YY1AP1: variants seen among roughly 807,000 people sequenced by gnomAD.
The protein encoded by YY1AP1 is YY1 associated protein 1.
In YY1AP1, 43 loss-of-function variants were observed where a neutral mutation model predicts 39.9. The observed-to-expected ratio is 1.08, with a 90% CI of 0.84 to 1.39. YY1AP1 has a LOEUF of 1.39. Ranked by LOEUF, YY1AP1 falls within the 40% of genes most tolerant of loss-of-function variation. YY1AP1 has a pLI of 0.00. For missense variants in YY1AP1, 813 were observed against 900.7 expected (o/e 0.90, Z 1.25); for synonymous variants, 292 against 331.3 (o/e 0.88, Z 1.29).
At position 155,659,685 on chromosome 1, in the gene YY1AP1, G is replaced by C; in HGVS notation, c.2225C>G (p.Ala742Gly). 1 of 1,614,164 alleles carries C rather than the reference G, an allele frequency of 6.2e-7. No individual in the cohort carries two copies. The highest frequency in any genetic ancestry group is 8.5e-7 in the Non-Finnish European group (1 of 1,180,032). Reference protein sequence around the residue: ...EEVVKMEPEDATEEISGFL With the variant: ...EEVVKMEPEDGTEEISGFL ...AAGAAATCCACTGATTTCCTCTGTA[G>C]CATCTTCAGGTTCCATCTTGACAAC... The change falls in exon 11 of 11, where the codon GCT (alanine) becomes GGT (glycine). Residue 742 changes from alanine (A) to glycine (G), a missense_variant. Transcript: ENST00000355499.
In YY1AP1 at chr1:155,660,802, C is replaced by T. The variant is rs775120585; in HGVS notation, c.1108G>A (p.Asp370Asn). ...GTTTCACTCCCCAACTCTGAGTTGT[C>T]TTTTTCTAGGCCTTGATCTGAGTTG... ...EINSDQGLEK[D>N]NSELGSETRY... The change falls in exon 11 of 11, where the codon GAC becomes AAC. Residue 370 changes from aspartate to asparagine, a missense_variant. This residue lies in a region of YY1AP1 where 586 missense variants were observed against 647.4 expected (regional missense o/e 0.91). Coordinates refer to ENST00000355499, the MANE Select transcript of YY1AP1 (RefSeq NM_139119.3). The T allele has an allele frequency of 1.2e-6, 2 of 1,614,210 alleles. No homozygotes were observed. The highest frequency in any genetic ancestry group is 4.5e-5 in the East Asian group (2 of 44,878).
Position 155,661,380 on chromosome 1 carries a change from C to G in YY1AP1, c.923G>C (p.Cys308Ser), listed in dbSNP as rs372439408. 9 of 1,613,870 alleles carry G rather than the reference C, an allele frequency of 5.6e-6. No homozygotes were observed. The South Asian group carries it at 9.9e-5, about 18-fold the overall frequency. ...CCACTGATGTGGCTGGATCTCTTCA[C>G]AGCATTTTCCTAGGACTGGCAGCTG... Reference protein sequence around the residue: ...TKQLPVLGKCCEEIQPHQWKP... With the variant: ...TKQLPVLGKCSEEIQPHQWKP... Residue 308 changes from cysteine to serine, a missense_variant, in exon 10 of 11, where the codon TGT (cysteine) becomes TCT (serine). By Grantham distance (112) the Cys-to-Ser change is moderately radical. Around this residue, in one of 3 missense-constraint regions of YY1AP1, gnomAD observed 586 missense variants for 647.4 expected, o/e 0.91. Coordinates refer to ENST00000355499, the MANE Select transcript of YY1AP1 (RefSeq NM_139119.3).
At chr1:155,669,097 G>A (rs1168748098) in intron 8 of YY1AP1, among the ~76,000 whole-genome samples, 2 of 152,182 alleles carry the variant, frequency 1.3e-5, no homozygotes, top group African/African-American at 4.8e-5. Context: ...GCAGTGGCAT[G>A]ATTACAGTGC....
intron 8 of YY1AP1, among the ~76,000 whole-genome samples, chr1:155,669,472 A>T (rs1649533044): frequency 6.6e-6 from 1 of 152,232 alleles, no homozygotes; most frequent in Non-Finnish European, 1.5e-5. Flanking sequence ...ATTAAGTAGG[A>T]GCAAGAGAAA....
At chr1:155,679,290 C>T (rs1192138090) in intron 4 of YY1AP1, 119 bp downstream of exon 4, 3 of 1,551,824 alleles carry the variant, frequency 1.9e-6, no homozygotes, top group Non-Finnish European at 1.7e-6. Flanking sequence ...GACTCTGCAT[C>T]CTTACATCAG....
chr1:155,679,575 T>C, intron 3 of YY1AP1, 63 bp from the exon 4 acceptor site: 1 of 1,613,150 alleles, frequency 6.2e-7, no homozygotes, highest in Non-Finnish European at 8.5e-7. Flanking sequence ...GCTCCAGTGT[T>C]GGGAAGGAAA....
intron 9 of YY1AP1, among the ~76,000 whole-genome samples, chr1:155,664,830 C>T (rs1056054158): frequency 1.4e-5 from 2 of 145,752 alleles, no homozygotes; most frequent in African/African-American, 2.5e-5. Flanking sequence ...AGTGTAGTGG[C>T]GAGATCTCGG....
At chr1:155,668,453 C>T (rs907550433) in intron 9 of YY1AP1, among the ~76,000 whole-genome samples, 174 bp downstream of exon 9, 5 of 151,240 alleles carry the variant, frequency 3.3e-5, no homozygotes, top group Non-Finnish European at 5.9e-5. Context: ...TCCAGAGGAA[C>T]GTAATGAATG....
intron 9 of YY1AP1, among the ~76,000 whole-genome samples, chr1:155,662,955 A>G (rs1053625379): frequency 6.6e-6 from 1 of 152,154 alleles, no homozygotes; most frequent in Admixed American, 6.5e-5. Flanking sequence ...CAGTGAGCCA[A>G]GACTGCACCA....
chr1:155,688,480 G>A (rs1420431506), intron 1 of YY1AP1, 179 bp downstream of exon 1: 1 of 1,549,490 alleles, frequency 6.5e-7, no homozygotes, highest in African/African-American at 1.4e-5. Context: ...GCGCACGTCA[G>A]CCCGCACGCG....
At chr1:155,674,244 T>C (rs1226661387) in intron 6 of YY1AP1, among the ~76,000 whole-genome samples, 3 of 151,216 alleles carry the variant, frequency 2.0e-5, no homozygotes, top group African/African-American at 4.9e-5. Flanking sequence ...AACACTAATA[T>C]TGAGCTTCAT....
chr1:155,664,421 T>C (rs895580543), intron 9 of YY1AP1, among the ~76,000 whole-genome samples: 2 of 152,082 alleles, frequency 1.3e-5, no homozygotes, highest in Admixed American at 1.3e-4. Context: ...AGGTACACAG[T>C]ACAATATTAC....
At chr1:155,675,979 T>C (rs1330655606) in intron 5 of YY1AP1, among the ~76,000 whole-genome samples, 2 of 152,058 alleles carry the variant, frequency 1.3e-5, no homozygotes, top group Non-Finnish European at 1.5e-5. Flanking sequence ...ATCCCAGCAC[T>C]CTGGGAGGCC....
At position 155,659,539 on chromosome 1, in the gene YY1AP1, A is replaced by G. The variant is rs981218796; in HGVS notation, c.*118T>C. The G allele has an allele frequency of 2.6e-5, 27 of 1,052,842 alleles. No individual in the cohort carries two copies. Among genetic ancestry groups the G allele is most frequent in the Non-Finnish European group, 3.6e-5 (26 of 717,440 alleles). The allele number at this position is 1,052,842 out of a possible 1,614,324, so 65.2% of individuals were successfully genotyped here. A position where few individuals can be genotyped will look rare whatever the true frequency, so the allele number is the denominator to read the frequency against. The stretch of plus-strand genomic sequence containing the variant: ...CTAAAGCAAGCTGCTCAAGAGCCCC[A>G]GTTGCAAAATCTGGGGTTTAAGTAC... On this transcript the variant is annotated 3_prime_UTR_variant, in exon 11 of 11. Coordinates refer to ENST00000355499, the MANE Select transcript of YY1AP1 (RefSeq NM_139119.3).
Position 155,672,662 on chromosome 1 carries a change from G to C in YY1AP1, c.481C>G (p.Leu161Val), listed in dbSNP as rs778360688. The change falls in exon 7 of 11, where the codon CTG (leucine) becomes GTG (valine). Residue 161 changes from leucine (L) to valine (V), a missense_variant. Transcript: ENST00000355499. ...HHQYNPKFQT[L>V]FQPCNLMGAM... ...CCCATCAAGTTACAGGGTTGGAACA[G>C]GGTCTGAAACTTGGGGTTGTACTGA... 1 of 1,614,128 alleles carries C rather than the reference G, an allele frequency of 6.2e-7. No individual in the cohort carries two copies. The highest frequency in any genetic ancestry group is 8.5e-7 in the Non-Finnish European group (1 of 1,179,982).
At chr1:155,680,970 T>G (rs1409974642) in intron 2 of YY1AP1, among the ~76,000 whole-genome samples, 1 of 152,054 alleles carries the variant, frequency 6.6e-6, no homozygotes, top group Non-Finnish European at 1.5e-5. Context: ...GAGAGAGAGT[T>G]CTAATCTCAT....
At position 155,670,425 on chromosome 1, in the gene YY1AP1, A is replaced by G; in HGVS notation, c.623T>C (p.Ile208Thr). 1 of 1,614,188 alleles carries G rather than the reference A, an allele frequency of 6.2e-7. No homozygotes were observed. The highest frequency in any genetic ancestry group is 8.5e-7 in the Non-Finnish European group (1 of 1,180,038). Reference protein sequence around the residue: ...FPCLPKQVAWILATSKVFMYP... With the variant: ...FPCLPKQVAWTLATSKVFMYP... Reference sequence around the variant, plus strand: ...CATGAAAACCTTGCTTGTGGCCAGGATCCAAGCCACTTGCTTTGGCAAACA... The same window carrying G: ...CATGAAAACCTTGCTTGTGGCCAGGGTCCAAGCCACTTGCTTTGGCAAACA... The change falls in exon 8 of 11, where the codon ATC becomes ACC. Residue 208 changes from isoleucine to threonine, a missense_variant. Physicochemically the swap from Ile to Thr is moderately conservative, Grantham distance 89 (BLOSUM62 -1). Around this residue, in one of 3 missense-constraint regions of YY1AP1, gnomAD observed 31 missense variants for 63.7 expected, o/e 0.49. Coordinates refer to ENST00000355499, the MANE Select transcript of YY1AP1 (RefSeq NM_139119.3).
At chr1:155,683,957 C>A (rs908743965) in intron 2 of YY1AP1, among the ~76,000 whole-genome samples, 1 of 152,048 alleles carries the variant, frequency 6.6e-6, no homozygotes, top group African/African-American at 2.4e-5. Context: ...ATCTACATAG[C>A]AAGACCTGGG....
chr1:155,664,140 A>G (rs1014379251), intron 9 of YY1AP1, among the ~76,000 whole-genome samples: 1 of 151,978 alleles, frequency 6.6e-6, no homozygotes, highest in African/African-American at 2.4e-5. Context: ...AAAAAAAAAA[A>G]GTTAAATGGC....
Sources: gnomAD v4.1 joint callset for allele counts (sites outside exome capture counted in the v4.1 genomes callset) on GRCh38, gnomAD v4.1.1 for gene constraint, gnomAD v4.1.1 regional missense constraint, MANE v1.5 for transcripts, NCBI Gene and HGNC (gene_info 2026-07-23, HGNC 2026-07-21) for gene names.